Variants in SLC7A2 observed in about 807,000 individuals in gnomAD.
SLC7A2 encodes the protein cationic amino acid transporter 2.
SLC7A2 carries 48 observed loss-of-function variants against 58.9 expected under a neutral mutation model. That is an observed-to-expected ratio of 0.82 (90% CI 0.65 to 1.04). SLC7A2 has a LOEUF of 1.04. Among genes scored for constraint, SLC7A2 ranks in the 50% least tolerant of loss-of-function variants. The pLI is 0.00. For missense variants in SLC7A2, 1,029 were observed against 818.8 expected, an observed-to-expected ratio of 1.26 and a Z score of -3.13; for synonymous variants, 363 against 314.5, an observed-to-expected ratio of 1.15 and a Z score of -1.63.
chr8:17,498,402 A>C (rs1308341297), intron 1 of SLC7A2, among the ~76,000 whole-genome samples: 1 of 152,220 alleles, frequency 6.6e-6, no homozygotes, highest in East Asian at 1.9e-4. Context: ...CTGTGTTTGT[A>C]ATCTTTCTCT....
intron 2 of SLC7A2, among the ~76,000 whole-genome samples, chr8:17,535,650 C>T (rs1801632779): frequency 6.6e-6 from 1 of 152,164 alleles, no homozygotes; most frequent in South Asian, 2.1e-4. Flanking sequence ...CGCCTGTAAT[C>T]CCAGCACTTT....
chr8:17,510,662 C>T (rs188065503), intron 2 of SLC7A2: 2 of 152,156 alleles, frequency 1.3e-5, no homozygotes, highest in Admixed American at 1.3e-4. Flanking sequence ...TATCTTTTGC[C>T]CGCTTTTTGA....
At chr8:17,537,692 G>C (rs1256183044) in intron 2 of SLC7A2, among the ~76,000 whole-genome samples, 3 of 152,138 alleles carry the variant, frequency 2.0e-5, no homozygotes, top group Non-Finnish European at 4.4e-5. Context: ...CTAGCAGCTT[G>C]GGGAGAGGGA....
rs942964837 is a variant in SLC7A2, at chr8:17,567,191, G to A, written c.*2045G>A. ...GCACAGGCTCGGGTATTTTGGTAGG[G>A]ACTGTAGGCATGCTCATAAATCCTT... On this transcript the variant is annotated 3_prime_UTR_variant, in exon 13 of 13. Transcript: ENST00000494857. 2 of 152,608 alleles carry A rather than the reference G, an allele frequency of 1.3e-5. No individual in the cohort carries two copies. The highest frequency in any genetic ancestry group is 2.9e-5 in the Non-Finnish European group (2 of 68,050). The allele number at this position is 152,608 out of a possible 1,614,324, so 9.5% of individuals were successfully genotyped here.
chr8:17,529,985 T>TA (rs1290548002), intron 2 of SLC7A2, among the ~76,000 whole-genome samples: 22 of 152,168 alleles, frequency 1.4e-4, no homozygotes, highest in African/African-American at 4.3e-4. Context: ...ACCAACCTAA[T>TA]ACGTCTTGAA....
At chr8:17,536,431 G>A (rs1265738192) in intron 2 of SLC7A2, among the ~76,000 whole-genome samples, 2 of 152,154 alleles carry the variant, frequency 1.3e-5, no homozygotes, top group African/African-American at 2.4e-5. Flanking sequence ...ATAGCTGGAT[G>A]TGGTGGCGGG....
rs142036001 is a variant in SLC7A2 at position 17,530,135 on chromosome 8, A to G, written c.-22-13183A>G. Among the ~76,000 whole-genome samples the G allele has an allele frequency of 2.7e-3, 403 of 152,020 alleles. 1 individual carries two copies. Among genetic ancestry groups the G allele is most frequent in the African/African-American group, 9.1e-3 (379 of 41,456 alleles). On this transcript the variant is annotated intron_variant, in intron 2 of 12. Coordinates refer to ENST00000494857, the MANE Select transcript of SLC7A2 (RefSeq NM_001370338.1). ...TTCCCTGCCTCCTACCCCGTGCTAT[A>G]TAAATAAGCCTGGTTTCTTAGCTTT... is the stretch of plus-strand genomic sequence containing the variant.
At chr8:17,525,897 A>C (rs1479131312) in intron 2 of SLC7A2, among the ~76,000 whole-genome samples, 3 of 152,216 alleles carry the variant, frequency 2.0e-5, no homozygotes, top group African/African-American at 7.2e-5. Context: ...CAAAAAATTT[A>C]CACAAGCTTT....
chr8:17,566,032 A>G lies in SLC7A2; in HGVS notation c.*886A>G, dbSNP rs1803249764. On this transcript the variant is annotated 3_prime_UTR_variant, in exon 13 of 13. Coordinates refer to ENST00000494857, the MANE Select transcript of SLC7A2 (RefSeq NM_001370338.1). ...CCAGAAAGCTCATGGAGTGGCCGTA[A>G]TGAGAATATGTTTGAAGATCAAAGA... is the stretch of plus-strand genomic sequence containing the variant. The G allele has an allele frequency of 6.6e-6, 1 of 152,196 alleles. No individual in the cohort carries two copies. The highest frequency in any genetic ancestry group is 2.4e-5 in the African/African-American group (1 of 41,456). The allele number at this position is 152,196 out of a possible 1,614,324, so 9.4% of individuals were successfully genotyped here.
At chr8:17,515,218 A>T (rs879517882) in intron 2 of SLC7A2, among the ~76,000 whole-genome samples, 1 of 152,210 alleles carries the variant, frequency 6.6e-6, no homozygotes, top group Non-Finnish European at 1.5e-5. Context: ...AAAGTCATCA[A>T]TAATGAGGAC....
chr8:17,540,677 A>G (rs1801873155), intron 2 of SLC7A2, among the ~76,000 whole-genome samples: 1 of 152,182 alleles, frequency 6.6e-6, no homozygotes, highest in South Asian at 2.1e-4. Flanking sequence ...TAGCTTAATA[A>G]TAAAAGCTTT....
chr8:17,521,119 A>G (rs60452757), intron 2 of SLC7A2, among the ~76,000 whole-genome samples: 12,532 of 151,870 alleles, frequency 0.083, 1,766 homozygotes, highest in African/African-American at 0.29. Flanking sequence ...TTCTTCTACT[A>G]TTTTTTTTGG....
At chr8:17,560,027 A>G (rs1475657498) in intron 9 of SLC7A2, among the ~76,000 whole-genome samples, 1 of 152,178 alleles carries the variant, frequency 6.6e-6, no homozygotes, top group Non-Finnish European at 1.5e-5. Context: ...GACATAGGTA[A>G]TTTCAGAATA....
At chr8:17,502,654 G>T (rs1020282429) in intron 2 of SLC7A2, among the ~76,000 whole-genome samples, 7 of 152,106 alleles carry the variant, frequency 4.6e-5, no homozygotes, top group Non-Finnish European at 7.3e-5. Flanking sequence ...TGAGAGGTTG[G>T]GTGGAGGGGG....
upstream of SLC7A2, among the ~76,000 whole-genome samples, chr8:17,494,873 G>C (rs1481623002): frequency 6.6e-6 from 1 of 152,192 alleles, no homozygotes; most frequent in Non-Finnish European, 1.5e-5. Context: ...TTTGCTTAGA[G>C]ATGAAGTTGT....
At chr8:17,562,909 G>A (rs1002150489) in intron 11 of SLC7A2, among the ~76,000 whole-genome samples, 3 of 152,152 alleles carry the variant, frequency 2.0e-5, no homozygotes, top group Non-Finnish European at 4.4e-5. Flanking sequence ...GAAAGGCCAA[G>A]GCAGGAGGAT....
intron 2 of SLC7A2, among the ~76,000 whole-genome samples, chr8:17,541,707 T>A (rs1801918590): frequency 6.6e-6 from 1 of 152,232 alleles, no homozygotes; most frequent in Non-Finnish European, 1.5e-5. Flanking sequence ...TTGATATTTC[T>A]TTTGCATATA....
chr8:17,501,156 G>C (rs947089610), intron 1 of SLC7A2, among the ~76,000 whole-genome samples: 2 of 152,180 alleles, frequency 1.3e-5, no homozygotes, highest in East Asian at 1.9e-4. Flanking sequence ...TGGGATTACA[G>C]GCGTGTGCCA....
At chr8:17,525,333 A>T (rs1330615462) in intron 2 of SLC7A2, among the ~76,000 whole-genome samples, 1 of 152,212 alleles carries the variant, frequency 6.6e-6, no homozygotes, top group Admixed American at 6.5e-5. Flanking sequence ...TTCACTATGT[A>T]TATTAAAACA....
Sources: gnomAD v4.1 joint callset for allele counts (sites outside exome capture counted in the v4.1 genomes callset) on GRCh38, gnomAD v4.1.1 for gene constraint, MANE v1.5 for transcripts, NCBI Gene and HGNC (gene_info 2026-07-23, HGNC 2026-07-21) for gene names.